Variants in GUCY2C observed in about 807,000 individuals in gnomAD.
GUCY2C encodes the protein guanylate cyclase 2C, also known as guanylyl cyclase C.
In GUCY2C, 118 loss-of-function variants were observed where a neutral mutation model predicts 131.1. That is an observed-to-expected ratio of 0.90 (90% CI 0.78 to 1.05). The LOEUF is 1.05. Among genes scored for constraint, GUCY2C ranks in the 50% least tolerant of loss-of-function variants. The pLI is 0.00. For missense variants in GUCY2C, 1,161 were observed against 1,304.4 expected (o/e 0.89, Z 1.69); for synonymous variants, 452 against 457.8 (o/e 0.99, Z 0.16).
intron 12 of GUCY2C, 98 bp downstream of exon 12, chr12:14,656,414 A>G: frequency 1.5e-6 from 1 of 671,792 alleles, no homozygotes; most frequent in Admixed American, 2.2e-5. Context: ...TTTCTAGAAC[A>G]ACTATCCCTA....
At chr12:14,673,538 GC>G (rs367862475) in intron 8 of GUCY2C, among the ~76,000 whole-genome samples, 1 of 152,106 alleles carries the variant, frequency 6.6e-6, no homozygotes, top group African/African-American at 2.4e-5. Flanking sequence ...CAGGCTCTGT[GC>G]TAAGTGATTT....
intron 6 of GUCY2C, among the ~76,000 whole-genome samples, 186 bp from the exon 7 acceptor site, chr12:14,677,157 G>T (rs949962578): frequency 1.3e-5 from 2 of 152,116 alleles, no homozygotes; most frequent in East Asian, 3.9e-4. Flanking sequence ...TTAAATAAGA[G>T]AATTTAAGCA....
chr12:14,658,971 G>A (rs1487507767), intron 11 of GUCY2C, among the ~76,000 whole-genome samples: 2 of 151,784 alleles, frequency 1.3e-5, no homozygotes. Context: ...CAGCTCAGAT[G>A]AAGAAATTGA....
intron 3 of GUCY2C, among the ~76,000 whole-genome samples, chr12:14,683,495 G>A (rs1592144647): frequency 6.6e-6 from 1 of 152,148 alleles, no homozygotes; most frequent in Non-Finnish European, 1.5e-5. Flanking sequence ...TATGTGGCTT[G>A]GTTACTTCGA....
intron 5 of GUCY2C, 109 bp downstream of exon 5, chr12:14,681,246 TG>T: frequency 1.1e-6 from 1 of 877,854 alleles, no homozygotes; most frequent in Middle Eastern, 2.9e-4. Context: ...AAAATATGTA[TG>T]AGTAAGGATG....
chr12:14,635,455 G>A (rs990644775), intron 19 of GUCY2C, among the ~76,000 whole-genome samples: 7 of 152,048 alleles, frequency 4.6e-5, no homozygotes, highest in African/African-American at 9.7e-5. Context: ...GGGATACAGC[G>A]AAAGTACTGC....
intron 24 of GUCY2C, among the ~76,000 whole-genome samples, chr12:14,617,926 G>GTC (rs1302120801): frequency 6.6e-6 from 1 of 152,124 alleles, no homozygotes; most frequent in Non-Finnish European, 1.5e-5. Flanking sequence ...ACCCAAGTCT[G>GTC]TCTGACCCCA....
rs117448424 is a variant in GUCY2C, at chr12:14,683,797, C to T, written c.396-540G>A. ...GTGGGCTTCCTGCTTGCATCTCAAA[C>T]TACAATGTTCACAGTCAGAATTCTC... On this transcript the variant is annotated intron_variant, in intron 3 of 26. Transcript: ENST00000261170. Among the ~76,000 whole-genome samples the T allele has an allele frequency of 6.1e-3, 929 of 152,304 alleles. 1 individual carries two copies. Among genetic ancestry groups the T allele is most frequent in the Non-Finnish European group, 0.01 (682 of 68,032 alleles).
chr12:14,685,023 G>A (rs1207170827), intron 3 of GUCY2C, among the ~76,000 whole-genome samples: 1 of 152,082 alleles, frequency 6.6e-6, no homozygotes, highest in African/African-American at 2.4e-5. Flanking sequence ...TGATCTCACT[G>A]TGCCTTGTAT....
At chr12:14,649,671 A>G (rs1458502545) in intron 15 of GUCY2C, among the ~76,000 whole-genome samples, 4 of 152,216 alleles carry the variant, frequency 2.6e-5, no homozygotes, top group Non-Finnish European at 5.9e-5. Context: ...ATTTTAATGG[A>G]TGATTAAAGT....
Position 14,661,035 on chromosome 12 carries a change from A to C in GUCY2C, c.1310T>G (p.Phe437Cys). 6.2e-7 allele frequency: 1 copy of C among 1,613,256 alleles called. No individual in the cohort carries two copies. Among genetic ancestry groups the C allele is most frequent in the Non-Finnish European group, 8.5e-7 (1 of 1,179,208 alleles). ...CAGCACCACAGCTCCAGTGAGGGTG[A>C]AGACTGCAATCATCAGGATCTGAGG... ...RGPQILMIAV[F>C]TLTGAVVLLL... Residue 437 changes from phenylalanine (F) to cysteine (C), a missense_variant, in exon 11 of 27, where the codon TTC becomes TGC. Coordinates refer to ENST00000261170, the MANE Select transcript of GUCY2C (RefSeq NM_004963.4).
rs1159572259 is a variant in GUCY2C, at chr12:14,616,683, T to C, written c.2920A>G (p.Arg974Gly). Residue 974 changes from arginine to glycine, a missense_variant, in exon 25 of 27, where the codon AGA (arginine) becomes GGA (glycine). Arg to Gly is a moderately radical substitution (Grantham distance 125, BLOSUM62 -2). Transcript: ENST00000261170. ...VSGSTIAILK[R>G]TECQFLYEVR... Reference sequence around the variant, plus strand: ...TCATAAAGGAACTGGCACTCAGTTCTCTTCAGGATGGCTATGGTGGAGCCA... The same window carrying C: ...TCATAAAGGAACTGGCACTCAGTTCCCTTCAGGATGGCTATGGTGGAGCCA... The C allele has an allele frequency of 4.3e-6, 7 of 1,609,906 alleles. No individual in the cohort carries two copies. The highest frequency in any genetic ancestry group is 6.0e-6 in the Non-Finnish European group (7 of 1,176,358).
chr12:14,639,113 C>T (rs1352284759), intron 19 of GUCY2C, among the ~76,000 whole-genome samples: 1 of 152,040 alleles, frequency 6.6e-6, no homozygotes. Context: ...GCCTGGCCAA[C>T]ATGGTGAAAC....
chr12:14,622,943 C>T (rs1486237056), intron 21 of GUCY2C, among the ~76,000 whole-genome samples: 1 of 152,150 alleles, frequency 6.6e-6, no homozygotes, highest in Non-Finnish European at 1.5e-5. Context: ...CAAGTTACCT[C>T]TTCATTGAGA....
chr12:14,634,741 T>C lies in GUCY2C; in HGVS notation c.2157+5121A>G, dbSNP rs1035797981. Reference sequence around the variant, plus strand: ...AACTCATCTTATCTGTAAAGAAATATGTAGACTGAAAGTAAAGGGATGGAA... The same window carrying C: ...AACTCATCTTATCTGTAAAGAAATACGTAGACTGAAAGTAAAGGGATGGAA... On this transcript the variant is annotated intron_variant, in intron 19 of 26. Transcript: ENST00000261170. Among the ~76,000 whole-genome samples, 10 of 152,174 alleles carry C rather than the reference T, an allele frequency of 6.6e-5. No individual in the cohort carries two copies. The East Asian group carries it at 7.7e-4, about 12-fold the overall frequency.
At position 14,625,863 on chromosome 12, in the gene GUCY2C, G is replaced by A; in HGVS notation, c.2302C>T (p.Leu768=). The part of the protein sequence containing the change: ...ESYMDTLIRR[L]QLYSRNLEHL... ...TCCAGGTTTCGAGAATATAGCTGTAGACGTCGGATCAAGGTATCCATATAG... is the reference window on the plus strand; with the variant it reads ...TCCAGGTTTCGAGAATATAGCTGTAAACGTCGGATCAAGGTATCCATATAG... Residue 768 remains leucine (L), a synonymous_variant, in exon 21 of 27, where the codon CTA becomes TTA. Coordinates refer to ENST00000261170, the MANE Select transcript of GUCY2C (RefSeq NM_004963.4). 1 of 1,613,748 alleles carries A rather than the reference G, an allele frequency of 6.2e-7. No individual in the cohort carries two copies. The highest frequency in any genetic ancestry group is 1.3e-5 in the African/African-American group (1 of 75,016).
chr12:14,620,095 A>G (rs1946860938), intron 23 of GUCY2C, among the ~76,000 whole-genome samples: 1 of 152,160 alleles, frequency 6.6e-6, no homozygotes, highest in South Asian at 2.1e-4. Flanking sequence ...TTTTTCTATA[A>G]CACCTGTAAC....
chr12:14,619,370 A>G (rs886194120), intron 23 of GUCY2C, 61 bp from the exon 24 acceptor site: 19 of 1,010,836 alleles, frequency 1.9e-5, no homozygotes, highest in African/African-American at 6.3e-5. Flanking sequence ...TAGAGTGAAG[A>G]CAGGTAAGCC....
At chr12:14,640,867 T>TA (rs1274732967) in intron 18 of GUCY2C, among the ~76,000 whole-genome samples, 1 of 152,212 alleles carries the variant, frequency 6.6e-6, no homozygotes, top group Non-Finnish European at 1.5e-5. Context: ...CTGACAATAA[T>TA]AACACCTGGC....
Sources: allele counts gnomAD v4.1 joint callset (sites outside exome capture counted in the v4.1 genomes callset), GRCh38; gene constraint gnomAD v4.1.1; transcripts MANE v1.5; gene names NCBI Gene and HGNC (gene_info 2026-07-23, HGNC 2026-07-21).